Variants in RNF146 observed in about 807,000 individuals in gnomAD.
RNF146 encodes ring finger protein 146.
In RNF146, 11 loss-of-function variants were observed where a neutral mutation model predicts 29.7. That is an observed-to-expected ratio of 0.37 (90% confidence interval 0.23 to 0.61). The LOEUF is 0.61. Among genes scored for constraint, RNF146 ranks in the 20% least tolerant of loss-of-function variants. The pLI, the probability that RNF146 is intolerant of heterozygous loss-of-function variation, is 0.66. For synonymous variants in RNF146, 150 were observed against 159.7 expected, an observed-to-expected ratio of 0.94 and a Z score of 0.46; for missense variants, 342 against 438.9, an observed-to-expected ratio of 0.78 and a Z score of 1.97.
chr6:127,285,289 T>G (rs904090031), intron 2 of RNF146: 5 of 984,928 alleles, frequency 5.1e-6, no homozygotes, highest in Admixed American at 6.2e-5. Context: ...AAGGATTGTT[T>G]GAAGATTGAA....
chr6:127,285,366 C>A (rs1009999425), intron 2 of RNF146: 2 of 983,620 alleles, frequency 2.0e-6, no homozygotes, highest in Non-Finnish European at 2.4e-6. Flanking sequence ...TTCTTGTTGA[C>A]TATATCTTTT....
intron 2 of RNF146, among the ~76,000 whole-genome samples, chr6:127,284,292 G>T (rs1035195516): frequency 6.6e-6 from 1 of 151,774 alleles, no homozygotes; most frequent in African/African-American, 2.4e-5. Flanking sequence ...TTGTTCATAA[G>T]GTACTTAGAT....
chr6:127,266,703 C>G (rs1471601952), upstream of RNF146: 1 of 152,304 alleles, frequency 6.6e-6, no homozygotes, highest in East Asian at 1.9e-4. Flanking sequence ...GTCGCCGCTC[C>G]CCACAGGCAA....
intron 1 of RNF146, among the ~76,000 whole-genome samples, chr6:127,271,114 T>C (rs1777428786): frequency 6.6e-6 from 1 of 152,190 alleles, no homozygotes; most frequent in African/African-American, 2.4e-5. Context: ...GCACCTGGCC[T>C]CCTTACGATT....
At chr6:127,276,073 G>T (rs572716538) in intron 1 of RNF146, among the ~76,000 whole-genome samples, 12 of 151,990 alleles carry the variant, frequency 7.9e-5, no homozygotes, top group African/African-American at 2.7e-4. Context: ...TGGGAGGATC[G>T]CTTGAGCCAA....
chr6:127,273,662 G>A (rs1480776892), intron 1 of RNF146, among the ~76,000 whole-genome samples: 3 of 151,648 alleles, frequency 2.0e-5, no homozygotes, highest in South Asian at 4.1e-4. Context: ...TGAGGTTATC[G>A]TCAAAGATCT....
intron 1 of RNF146, among the ~76,000 whole-genome samples, chr6:127,278,276 A>G (rs923006548): frequency 7.2e-5 from 11 of 152,030 alleles, no homozygotes; most frequent in East Asian, 2.0e-4. Context: ...TTCATTTACA[A>G]TGTTATGCAA....
In RNF146 at chr6:127,287,925, C is replaced by G; in HGVS notation, c.*232C>G. On this transcript the variant is annotated 3_prime_UTR_variant, in exon 3 of 3. Transcript: ENST00000368314. ...AGCTGTTTAGTAATAACCCAGTTTT[C>G]TTGAGGTCTGTTTACTTTATACTTT... The G allele has an allele frequency of 5.3e-6, 2 of 376,512 alleles. No homozygotes were observed. Among genetic ancestry groups the G allele is most frequent in the Non-Finnish European group, 1.0e-5 (2 of 199,440 alleles). 23.3% of individuals were successfully genotyped at this position (376,512 alleles called of 1,614,324 possible).
rs1420065912 is a variant in RNF146 at position 127,287,098 on chromosome 6, G to A, written c.485G>A (p.Arg162His). 6 of 1,613,142 alleles carry A rather than the reference G, an allele frequency of 3.7e-6. No individual in the cohort carries two copies. The highest frequency in any genetic ancestry group is 1.3e-5 in the African/African-American group (1 of 74,854). Reference protein sequence around the residue: ...MVQYRRNEHGRRRKIKRDIID... With the variant: ...MVQYRRNEHGHRRKIKRDIID... ...CAATATAGGAGAAATGAACATGGAC[G>A]TCGCAGGAAGATTAAGCGAGATATA... Residue 162 changes from arginine (R) to histidine (H), a missense_variant, in exon 3 of 3, where the codon CGT (arginine) becomes CAT (histidine). Around this residue, in one of 6 missense-constraint regions of RNF146, gnomAD observed 28 missense variants for 40.7 expected, o/e 0.69. Coordinates refer to ENST00000368314, the MANE Select transcript of RNF146 (RefSeq NM_001242850.2).
chr6:127,275,605 A>C (rs944103637), intron 1 of RNF146, among the ~76,000 whole-genome samples: 15 of 152,274 alleles, frequency 9.9e-5, no homozygotes, highest in African/African-American at 3.6e-4. Flanking sequence ...AGACTTCACA[A>C]ATGAATTGAA....
chr6:127,287,008 G>A lies in RNF146; in HGVS notation c.395G>A (p.Gly132Asp). 5.0e-6 allele frequency: 8 copies of A among 1,613,372 alleles called. No individual in the cohort carries two copies. Among genetic ancestry groups the A allele is most frequent in the Non-Finnish European group, 6.8e-6 (8 of 1,179,636 alleles). Reference protein sequence around the residue: ...SRELEDAFSKGKKNTEMLIAG... With the variant: ...SRELEDAFSKDKKNTEMLIAG... ...GAGCTGGAAGATGCTTTTTCCAAAG[G>A]TAAAAAGAACACTGAAATGTTAATT... Residue 132 changes from glycine to aspartate, a missense_variant, in exon 3 of 3, where the codon GGT becomes GAT. By Grantham distance (94) the Gly-to-Asp change is moderately conservative (BLOSUM62 -1). Around this residue, in one of 6 missense-constraint regions of RNF146, gnomAD observed 50 missense variants for 54.9 expected, o/e 0.91. Coordinates refer to ENST00000368314, the MANE Select transcript of RNF146 (RefSeq NM_001242850.2).
chr6:127,271,534 T>A (rs1346198174), intron 1 of RNF146, among the ~76,000 whole-genome samples: 3 of 152,210 alleles, frequency 2.0e-5, no homozygotes, highest in African/African-American at 7.2e-5. Context: ...GTCAGTTTTG[T>A]ATTTAACAAG....
Position 127,286,110 on chromosome 6 carries a change from A to G in RNF146, c.3-506A>G. On this transcript the variant is annotated intron_variant, in intron 2 of 2. Transcript: ENST00000368314. The surrounding 1 kb of genome is among the most constrained non-coding windows in gnomAD (Gnocchi z 4.6). ...TCTTATATGATTGTTACCTTTATGA[A>G]GCTTTAGTGATTACAAAGCACTTTT... is the stretch of plus-strand genomic sequence containing the variant. 1.6e-6 allele frequency: 2 copies of G among 1,229,690 alleles called. No individual in the cohort carries two copies. The highest frequency in any genetic ancestry group is 2.0e-6 in the Non-Finnish European group (2 of 986,570). 76.2% of individuals were successfully genotyped at this position (1,229,690 alleles called of 1,614,324 possible).
At position 127,286,131 on chromosome 6, in the gene RNF146, CT is replaced by C; in HGVS notation, c.3-478del. 4.9e-6 allele frequency: 6 copies of C among 1,230,458 alleles called. No individual in the cohort carries two copies. Among genetic ancestry groups the C allele is most frequent in the Non-Finnish European group, 6.1e-6 (6 of 987,218 alleles). The allele number at this position is 1,230,458 out of a possible 1,614,324, so 76.2% of individuals were successfully genotyped here. A position where few individuals can be genotyped will look rare whatever the true frequency, so the allele number is the denominator to read the frequency against. On this transcript the variant is annotated intron_variant, in intron 2 of 2. Coordinates refer to ENST00000368314, the MANE Select transcript of RNF146 (RefSeq NM_001242850.2). The surrounding 1 kb of genome is among the most constrained non-coding windows in gnomAD (Gnocchi z 4.6). ...ATGAAGCTTTAGTGATTACAAAGCA[CT>C]TTTTTTGTCCATTTTTACCTGAGCT... is the stretch of plus-strand genomic sequence containing the variant.
intron 1 of RNF146, among the ~76,000 whole-genome samples, chr6:127,271,616 A>G (rs1326731098): frequency 6.6e-6 from 1 of 152,186 alleles, no homozygotes; most frequent in Non-Finnish European, 1.5e-5. Context: ...GTTATTGAGC[A>G]CTTGACATGT....
Position 127,287,707 on chromosome 6 carries a change from C to A in RNF146, c.*14C>A. 6.9e-7 allele frequency: 1 copy of A among 1,459,540 alleles called. No individual in the cohort carries two copies. Among genetic ancestry groups the A allele is most frequent in the Non-Finnish European group, 9.4e-7 (1 of 1,068,182 alleles). 90.4% of individuals were successfully genotyped at this position (1,459,540 alleles called of 1,614,324 possible). ...ACTGAAGTTTAAATAAAAATGTCTT[C>A]AGCTCCATGCTCAAGGTTGAAAGGG... On this transcript the variant is annotated 3_prime_UTR_variant, in exon 3 of 3. Coordinates refer to ENST00000368314, the MANE Select transcript of RNF146 (RefSeq NM_001242850.2).
intron 1 of RNF146, among the ~76,000 whole-genome samples, chr6:127,268,978 G>A (rs1025775276): frequency 9.2e-5 from 14 of 152,074 alleles, no homozygotes; most frequent in African/African-American, 3.1e-4. Flanking sequence ...TATACTACCA[G>A]GAAACATCTA....
chr6:127,288,248 A>C lies in RNF146; in HGVS notation c.*555A>C, dbSNP rs1164916944. ...TTTCAGAATGTTTGTAACACACTTC[A>C]TGGTGTTCCCATAGGCTTTGCTGTC... On this transcript the variant is annotated 3_prime_UTR_variant, in exon 3 of 3. Transcript: ENST00000368314. 6.0e-6 allele frequency: 1 copy of C among 166,982 alleles called. No homozygotes were observed. The highest frequency in any genetic ancestry group is 2.4e-5 in the African/African-American group (1 of 41,440). The allele number at this position is 166,982 out of a possible 1,614,324, so 10.3% of individuals were successfully genotyped here.
intron 1 of RNF146, among the ~76,000 whole-genome samples, chr6:127,278,248 C>G (rs1244211831): frequency 6.6e-6 from 1 of 152,024 alleles, no homozygotes; most frequent in African/African-American, 2.4e-5. Context: ...TTTAAGAGTA[C>G]AATTCCATGT....
Sources: allele counts gnomAD v4.1 joint callset (sites outside exome capture counted in the v4.1 genomes callset), GRCh38; gene constraint gnomAD v4.1.1; regional missense constraint gnomAD v4.1.1; non-coding constraint Gnocchi (gnomAD v3.1); transcripts MANE v1.5; gene names NCBI Gene and HGNC (gene_info 2026-07-23, HGNC 2026-07-21).